Variants in RAB18 observed in about 807,000 individuals in gnomAD.
RAB18 encodes RAB18, member RAS oncogene family.
In RAB18, 10 loss-of-function variants were observed where a neutral mutation model predicts 28.5. That is an observed-to-expected ratio of 0.35 (90% CI 0.22 to 0.60). The LOEUF is 0.60. RAB18 is among the 20% of genes least tolerant of loss of function. RAB18 has a pLI of 0.78. For missense variants in RAB18, 188 were observed against 244.2 expected (o/e 0.77, Z 1.53); for synonymous variants, 93 against 86.9 (o/e 1.07, Z -0.39).
chr10:27,528,953 G>C (rs1305724381), intron 3 of RAB18, among the ~76,000 whole-genome samples: 1 of 151,760 alleles, frequency 6.6e-6, no homozygotes, highest in Admixed American at 6.6e-5. Context: ...ATTTTTGCCT[G>C]TTTATTGATC....
Position 27,508,977 on chromosome 10 carries a change from C to G in RAB18, c.69-898C>G, listed in dbSNP as rs73604013. ...ATGACTTTAAAATCAAGGGCTTTAACAAAAGCTTAGATTTTATTTTTGAAG... is the reference window on the plus strand; with the variant it reads ...ATGACTTTAAAATCAAGGGCTTTAAGAAAAGCTTAGATTTTATTTTTGAAG... On this transcript the variant is annotated intron_variant, in intron 1 of 6. Transcript: ENST00000356940. Among the ~76,000 whole-genome samples the G allele has an allele frequency of 5.9e-3, 901 of 152,286 alleles. 4 individuals carry two copies. Among genetic ancestry groups the G allele is most frequent in the African/African-American group, 0.02 (821 of 41,578 alleles).
At chr10:27,514,438 A>G (rs1834390359) in intron 2 of RAB18, among the ~76,000 whole-genome samples, 1 of 152,200 alleles carries the variant, frequency 6.6e-6, no homozygotes, top group Admixed American at 6.6e-5. Flanking sequence ...GATTGAGTGG[A>G]AAGAAAAATA....
At chr10:27,514,469 CTA>C (rs1564828902) in intron 2 of RAB18, among the ~76,000 whole-genome samples, 1 of 151,942 alleles carries the variant, frequency 6.6e-6, no homozygotes, top group African/African-American at 2.4e-5. Context: ...GAAAATAAAA[CTA>C]TTACTGAAAT....
At position 27,520,310 on chromosome 10, in the gene RAB18, G is replaced by T. The variant is rs576344465; in HGVS notation, c.125-6518G>T. Among the ~76,000 whole-genome samples the T allele has an allele frequency of 9.9e-5, 15 of 150,862 alleles. No individual in the cohort carries two copies. In the East Asian group the frequency reaches 2.3e-3, roughly 23 times the overall value. ...ATTCTCTTATGATCCTTTTTTTTCT[G>T]TAAAATTGGTAGTAATGACCCTGTT... On this transcript the variant is annotated intron_variant, in intron 2 of 6. Transcript: ENST00000356940.
intron 1 of RAB18, among the ~76,000 whole-genome samples, chr10:27,506,962 T>C (rs564639966): frequency 7.2e-5 from 11 of 152,078 alleles, no homozygotes; most frequent in African/African-American, 2.6e-4. Flanking sequence ...GTGAGAAAGT[T>C]GTCTTATTTG....
intron 1 of RAB18, chr10:27,505,218 C>A: frequency 2.0e-6 from 1 of 501,206 alleles, no homozygotes; most frequent in Non-Finnish European, 4.1e-6. Flanking sequence ...GTGGATGTTG[C>A]TAGAGGGCTG....
Position 27,538,840 on chromosome 10 carries a change from T to C in RAB18, c.*789T>C, listed in dbSNP as rs1834958030. On this transcript the variant is annotated 3_prime_UTR_variant, in exon 7 of 7. Coordinates refer to ENST00000356940, the MANE Select transcript of RAB18 (RefSeq NM_021252.5). ...ATAGTGTGTTTATTGTAACTCCTCA[T>C]ACACTTTTAAAACCAACATCTTTTT... 2.2e-6 allele frequency: 1 copy of C among 454,074 alleles called. No homozygotes were observed. The highest frequency in any genetic ancestry group is 4.4e-6 in the Non-Finnish European group (1 of 226,754). 28.1% of individuals were successfully genotyped at this position (454,074 alleles called of 1,614,324 possible).
chr10:27,531,367 G>A (rs1272754692), intron 3 of RAB18, among the ~76,000 whole-genome samples: 3 of 151,938 alleles, frequency 2.0e-5, no homozygotes, highest in Non-Finnish European at 4.4e-5. Flanking sequence ...CACGCCCCTG[G>A]TTTGAATTCT....
chr10:27,521,421 A>G (rs1168914384), intron 2 of RAB18, among the ~76,000 whole-genome samples: 2 of 152,194 alleles, frequency 1.3e-5, no homozygotes, highest in Non-Finnish European at 2.9e-5. Flanking sequence ...TAGCAGCACA[A>G]TTCACAATTG....
At chr10:27,536,530 CCT>C (rs1212999728) in intron 6 of RAB18, among the ~76,000 whole-genome samples, 1 of 151,960 alleles carries the variant, frequency 6.6e-6, no homozygotes, top group Admixed American at 6.6e-5. Flanking sequence ...AGAGTGAGAC[CCT>C]GTCTCAAAAA....
Position 27,541,829 on chromosome 10 carries a change from C to G in RAB18, c.*3778C>G. ...TACTTCCTTCTCCCACCATACCACCCCCACCCCCACCCCTGCAAACAATTG... is the reference window on the plus strand; with the variant it reads ...TACTTCCTTCTCCCACCATACCACCGCCACCCCCACCCCTGCAAACAATTG... On this transcript the variant is annotated 3_prime_UTR_variant, in exon 7 of 7. Coordinates refer to ENST00000356940, the MANE Select transcript of RAB18 (RefSeq NM_021252.5). 2 of 396,206 alleles carry G rather than the reference C, an allele frequency of 5.0e-6. No individual in the cohort carries two copies. The highest frequency in any genetic ancestry group is 3.2e-5 in the South Asian group (2 of 62,388). 24.5% of individuals were successfully genotyped at this position (396,206 alleles called of 1,614,324 possible).
At chr10:27,504,616 C>A in intron 1 of RAB18, 179 bp downstream of exon 1, 1 of 780,250 alleles carries the variant, frequency 1.3e-6, no homozygotes, top group Non-Finnish European at 2.3e-6. Context: ...CCTCTCCCCA[C>A]CCGCGCCTGC....
chr10:27,518,722 T>C (rs994732180), intron 2 of RAB18, among the ~76,000 whole-genome samples: 12 of 152,098 alleles, frequency 7.9e-5, no homozygotes, highest in Admixed American at 5.2e-4. Context: ...TCTGGCTTGT[T>C]TTTTCATTCG....
chr10:27,518,819 G>A (rs1314487564), intron 2 of RAB18, among the ~76,000 whole-genome samples: 1 of 151,870 alleles, frequency 6.6e-6, no homozygotes, highest in Non-Finnish European at 1.5e-5. Context: ...GATGATTTCA[G>A]TGTTGTATCT....
chr10:27,516,581 G>A (rs1337324901), intron 2 of RAB18, among the ~76,000 whole-genome samples: 1 of 151,520 alleles, frequency 6.6e-6, no homozygotes, highest in Non-Finnish European at 1.5e-5. Flanking sequence ...AAAAAAGAGA[G>A]AAATCTTTGA....
At chr10:27,526,977 T>G in intron 3 of RAB18, 88 bp downstream of exon 3, 1 of 1,320,608 alleles carries the variant, frequency 7.6e-7, no homozygotes, top group Non-Finnish European at 1.1e-6. Flanking sequence ...CTAGAGGTGG[T>G]GAATGAACAA....
intron 3 of RAB18, 106 bp from the exon 4 acceptor site, chr10:27,532,401 G>C: frequency 2.5e-6 from 2 of 785,428 alleles, no homozygotes. Flanking sequence ...ATGAGCTCAT[G>C]CATTAATACT....
intron 2 of RAB18, among the ~76,000 whole-genome samples, chr10:27,515,860 G>A (rs1428690929): frequency 6.6e-6 from 1 of 151,916 alleles, no homozygotes; most frequent in Non-Finnish European, 1.5e-5. Flanking sequence ...ACCTCTTCAA[G>A]TTTTCTATTC....
At chr10:27,523,938 G>A (rs1021031321) in intron 2 of RAB18, among the ~76,000 whole-genome samples, 1 of 151,836 alleles carries the variant, frequency 6.6e-6, no homozygotes, top group African/African-American at 2.4e-5. Flanking sequence ...AATTAGCCGG[G>A]CGTGGTGGCA....
Sources: allele counts gnomAD v4.1 joint callset (sites outside exome capture counted in the v4.1 genomes callset), GRCh38; gene constraint gnomAD v4.1.1; transcripts MANE v1.5; gene names NCBI Gene and HGNC (gene_info 2026-07-23, HGNC 2026-07-21).